The following AKT3 variants were observed in gnomAD, a reference collection of about 807,000 sequenced individuals.
The protein encoded by AKT3 is RAC-gamma serine/threonine-protein kinase.
AKT3 carries 15 observed loss-of-function variants against 65.3 expected under a neutral mutation model. That is an observed-to-expected ratio of 0.23 (90% CI 0.15 to 0.35). AKT3 has a LOEUF of 0.35. Among genes scored for constraint, AKT3 ranks in the 10% least tolerant of loss-of-function variants. AKT3 has a pLI of 1.00. For synonymous variants in AKT3, 206 were observed against 183.8 expected, an observed-to-expected ratio of 1.12 and a Z score of -0.98; for missense variants, 243 against 576.5, an observed-to-expected ratio of 0.42 and a Z score of 5.92.
chr1:243,735,268 A>G (rs940691429), intron 2 of AKT3, among the ~76,000 whole-genome samples: 1 of 152,246 alleles, frequency 6.6e-6, no homozygotes, highest in Admixed American at 6.5e-5. Flanking sequence ...CAAAACTGGC[A>G]ATGCAATAGG....
chr1:243,660,816 T>C (rs895203990), intron 4 of AKT3, among the ~76,000 whole-genome samples: 10 of 152,192 alleles, frequency 6.6e-5, no homozygotes, highest in African/African-American at 1.9e-4. Context: ...AAAACCCCAC[T>C]GTCTCAGCCC....
At chr1:243,811,882 T>C (rs900396816) in intron 2 of AKT3, among the ~76,000 whole-genome samples, 7 of 152,100 alleles carry the variant, frequency 4.6e-5, no homozygotes, top group Admixed American at 4.6e-4. Context: ...TCTACAACCA[T>C]CTGATCTTTG....
At chr1:243,528,365 TA>T (rs1671297633) in intron 12 of AKT3, among the ~76,000 whole-genome samples, 1 of 152,140 alleles carries the variant, frequency 6.6e-6, no homozygotes, top group Admixed American at 6.5e-5. Flanking sequence ...GTAGGTTTGT[TA>T]TATAGGAAAA....
intron 10 of AKT3, among the ~76,000 whole-genome samples, chr1:243,555,572 C>T (rs978245859): frequency 6.6e-6 from 1 of 152,112 alleles, no homozygotes; most frequent in Admixed American, 6.5e-5. Context: ...ATAAAATTTA[C>T]ATTTTTTTAA....
At chr1:243,675,084 T>C (rs951146728) in intron 3 of AKT3, among the ~76,000 whole-genome samples, 1 of 152,220 alleles carries the variant, frequency 6.6e-6, no homozygotes, top group African/African-American at 2.4e-5. Flanking sequence ...TGCCTCGAGA[T>C]TTCCATCTGT....
intron 6 of AKT3, among the ~76,000 whole-genome samples, chr1:243,630,819 C>A (rs562767478): frequency 1.3e-5 from 2 of 151,074 alleles, no homozygotes; most frequent in Admixed American, 6.6e-5. Context: ...AAAAACTGAA[C>A]GCCAATTTGG....
At chr1:243,784,321 G>A (rs1272474799) in intron 2 of AKT3, among the ~76,000 whole-genome samples, 1 of 151,980 alleles carries the variant, frequency 6.6e-6, no homozygotes, top group African/African-American at 2.4e-5. Context: ...CAGGGAATGA[G>A]GGGGTGAGTA....
At chr1:243,683,051 G>C (rs1327652136) in intron 3 of AKT3, among the ~76,000 whole-genome samples, 1 of 152,148 alleles carries the variant, frequency 6.6e-6, no homozygotes, top group African/African-American at 2.4e-5. Flanking sequence ...TCTTGTATCT[G>C]TGGAATAAGA....
intron 8 of AKT3, among the ~76,000 whole-genome samples, chr1:243,579,762 G>A (rs1043465840): frequency 1.3e-5 from 2 of 152,120 alleles, no homozygotes; most frequent in Admixed American, 6.5e-5. Context: ...AAGAAATAAT[G>A]AAGCAAGGAA....
At chr1:243,515,161 A>G (rs1020004737) in intron 12 of AKT3, among the ~76,000 whole-genome samples, 5 of 152,224 alleles carry the variant, frequency 3.3e-5, no homozygotes, top group Admixed American at 2.0e-4. Flanking sequence ...ATTTCAGTAC[A>G]TAGATGTATC....
chr1:243,695,261 A>T (rs1293770662), intron 3 of AKT3, among the ~76,000 whole-genome samples: 2 of 151,988 alleles, frequency 1.3e-5, no homozygotes, highest in African/African-American at 2.4e-5. Flanking sequence ...AAGTACCACA[A>T]CATCTTATAA....
intron 2 of AKT3, among the ~76,000 whole-genome samples, chr1:243,808,681 G>A (rs1398296907): frequency 6.6e-6 from 1 of 151,994 alleles, no homozygotes; most frequent in East Asian, 1.9e-4. Context: ...TACAGAAAAC[G>A]CCACAAAGAT....
At chr1:243,747,705 C>T (rs1688559587) in intron 2 of AKT3, among the ~76,000 whole-genome samples, 1 of 152,184 alleles carries the variant, frequency 6.6e-6, no homozygotes, top group South Asian at 2.1e-4. Context: ...CTTAGTATCA[C>T]ATTGGGAATT....
chr1:243,509,757 T>C (rs1383999676), intron 13 of AKT3, among the ~76,000 whole-genome samples: 1 of 151,794 alleles, frequency 6.6e-6, no homozygotes, highest in Admixed American at 6.6e-5. Context: ...ATAGGGTGAT[T>C]CAAATTGGCA....
At chr1:243,792,896 T>C (rs1049664843) in intron 2 of AKT3, among the ~76,000 whole-genome samples, 2 of 152,210 alleles carry the variant, frequency 1.3e-5, no homozygotes, top group African/African-American at 4.8e-5. Flanking sequence ...TAACAGTAAA[T>C]GTATCACAAG....
At chr1:243,704,381 AGCT>A in intron 2 of AKT3, among the ~76,000 whole-genome samples, 1 of 152,298 alleles carries the variant, frequency 6.6e-6, no homozygotes, top group Non-Finnish European at 1.5e-5. Context: ...GCCCTCGTGG[AGCT>A]TTAAGTCTAG....
rs2926012 is a variant in AKT3, at chr1:243,619,822, C to A, written c.562-4661G>T. Among the ~76,000 whole-genome samples, 4 of 93,834 alleles carry A rather than the reference C, an allele frequency of 4.3e-5. 1 individual carries two copies. Among genetic ancestry groups the A allele is most frequent in the East Asian group, 2.9e-4 (1 of 3,490 alleles). 61.6% of individuals were successfully genotyped at this position (93,834 alleles called of 152,430 possible). A position where few individuals can be genotyped will look rare whatever the true frequency, so the allele number is the denominator to read the frequency against. On this transcript the variant is annotated intron_variant, in intron 6 of 13. Transcript: ENST00000673466. ...AAACCTAAGGGTGTAGATGTCTCCC[C>A]GATATGATGATTTCCTTTGTTTTGG... is the stretch of plus-strand genomic sequence containing the variant.
chr1:243,621,902 C>T (rs1189869584), intron 6 of AKT3, among the ~76,000 whole-genome samples: 1 of 152,150 alleles, frequency 6.6e-6, no homozygotes, highest in African/African-American at 2.4e-5. Context: ...ATCATCACTA[C>T]CTCCATTGCT....
At chr1:243,569,231 C>G (rs570760655) in intron 9 of AKT3, among the ~76,000 whole-genome samples, 8 of 152,118 alleles carry the variant, frequency 5.3e-5, no homozygotes, top group Non-Finnish European at 1.0e-4. Flanking sequence ...TGCTGAAATT[C>G]CAAAAGAAAA....
Sources: gnomAD v4.1 joint callset for allele counts (sites outside exome capture counted in the v4.1 genomes callset) on GRCh38, gnomAD v4.1.1 for gene constraint, MANE v1.5 for transcripts, NCBI Gene and HGNC (gene_info 2026-07-23, HGNC 2026-07-21) for gene names.